CAMK2D: variants seen among roughly 807,000 people sequenced by gnomAD.
CAMK2D encodes calcium/calmodulin-dependent protein kinase type II subunit delta.
In CAMK2D, 37 loss-of-function variants were observed where a neutral mutation model predicts 84.0. That is an observed-to-expected ratio of 0.44 (90% confidence interval 0.34 to 0.58). The LOEUF is 0.58. Among genes scored for constraint, CAMK2D ranks in the 20% least tolerant of loss-of-function variants. CAMK2D has a pLI of 0.02. For synonymous variants in CAMK2D, 202 were observed against 212.5 expected (o/e 0.95, Z 0.43); for missense variants, 448 against 652.5 (o/e 0.69, Z 3.41).
At chr4:113,649,952 C>A (rs1211631098) in intron 3 of CAMK2D, among the ~76,000 whole-genome samples, 2 of 151,846 alleles carry the variant, frequency 1.3e-5, no homozygotes, top group African/African-American at 4.8e-5. Context: ...TGTGGTGGCA[C>A]GTGCCTGTAA....
chr4:113,561,351 G>A (rs1333253019), intron 4 of CAMK2D, among the ~76,000 whole-genome samples: 2 of 152,168 alleles, frequency 1.3e-5, no homozygotes, highest in Non-Finnish European at 2.9e-5. Context: ...GGGCATGCCT[G>A]TAATCTCAGC....
intron 8 of CAMK2D, among the ~76,000 whole-genome samples, chr4:113,523,348 G>A (rs150472118): frequency 9.3e-4 from 141 of 151,806 alleles, no homozygotes; most frequent in South Asian, 7.1e-3. Flanking sequence ...CACCTGGTGC[G>A]CTTGTTAAAG....
At chr4:113,463,510 G>C (rs2097418738) in intron 17 of CAMK2D, among the ~76,000 whole-genome samples, 1 of 152,118 alleles carries the variant, frequency 6.6e-6, no homozygotes, top group Non-Finnish European at 1.5e-5. Context: ...CCAAGTAGCT[G>C]GGATTACAGG....
At chr4:113,699,274 GT>G (rs1393158966) in intron 2 of CAMK2D, among the ~76,000 whole-genome samples, 3 of 152,026 alleles carry the variant, frequency 2.0e-5, no homozygotes, top group Admixed American at 2.0e-4. Context: ...TTATCTGATA[GT>G]TTTTTCTTTT....
intron 4 of CAMK2D, among the ~76,000 whole-genome samples, chr4:113,603,767 G>A (rs1306272700): frequency 1.8e-5 from 2 of 109,628 alleles, no homozygotes; most frequent in Non-Finnish European, 3.5e-5. Context: ...TATATTTCTT[G>A]CTATTTTATA....
chr4:113,733,799 C>G (rs918320862), intron 2 of CAMK2D, among the ~76,000 whole-genome samples: 1 of 152,030 alleles, frequency 6.6e-6, no homozygotes, highest in African/African-American at 2.4e-5. Flanking sequence ...CATGAGTAAA[C>G]TGTCATACAT....
chr4:113,476,749 CT>C (rs545536454), intron 16 of CAMK2D, among the ~76,000 whole-genome samples: 2 of 152,152 alleles, frequency 1.3e-5, no homozygotes, highest in African/African-American at 2.4e-5. Flanking sequence ...TCAATTACCC[CT>C]AATAGATAAC....
chr4:113,729,414 A>C lies in CAMK2D; in HGVS notation c.160+29906T>G, dbSNP rs191246847. On this transcript the variant is annotated intron_variant, in intron 2 of 20. Coordinates refer to ENST00000511664, the MANE Select transcript of CAMK2D (RefSeq NM_001321571.2). ...GCTCTTCCACCCTCACTAAGTGAACATGAACTACACTGGGCCTTTCCTTTG... is the reference window on the plus strand; with the variant it reads ...GCTCTTCCACCCTCACTAAGTGAACCTGAACTACACTGGGCCTTTCCTTTG... Among the ~76,000 whole-genome samples the C allele has an allele frequency of 3.2e-3, 486 of 152,290 alleles. 1 individual carries two copies. Among genetic ancestry groups the C allele is most frequent in the Non-Finnish European group, 5.7e-3 (385 of 68,018 alleles).
At chr4:113,474,917 G>C (rs1484709125) in intron 16 of CAMK2D, among the ~76,000 whole-genome samples, 1 of 152,178 alleles carries the variant, frequency 6.6e-6, no homozygotes, top group Non-Finnish European at 1.5e-5. Flanking sequence ...AAAGTGCTGG[G>C]ATTACAGGCG....
chr4:113,543,714 C>A (rs2098546840), intron 6 of CAMK2D, among the ~76,000 whole-genome samples: 1 of 152,096 alleles, frequency 6.6e-6, no homozygotes, highest in Non-Finnish European at 1.5e-5. Context: ...TCACAAATAT[C>A]CAACACTGAG....
At chr4:113,475,336 T>TAACA (rs1044997222) in intron 16 of CAMK2D, among the ~76,000 whole-genome samples, 5 of 21,576 alleles carry the variant, frequency 2.3e-4, no homozygotes, top group Admixed American at 5.2e-4. Context: ...TTTGAATAAC[T>TAACA]AACAAACAAA....
At chr4:113,634,965 C>T (rs1198197771) in intron 3 of CAMK2D, among the ~76,000 whole-genome samples, 2 of 152,148 alleles carry the variant, frequency 1.3e-5, no homozygotes, top group Admixed American at 1.3e-4. Flanking sequence ...AAATAGTACA[C>T]CAGCTCAACC....
At chr4:113,501,294 T>C (rs909475316) in intron 15 of CAMK2D, among the ~76,000 whole-genome samples, 7 of 152,000 alleles carry the variant, frequency 4.6e-5, no homozygotes, top group Non-Finnish European at 1.0e-4. Context: ...AGAATTAAGA[T>C]ACATTTCTTA....
At chr4:113,627,585 T>A (rs954214632) in intron 3 of CAMK2D, among the ~76,000 whole-genome samples, 11 of 152,198 alleles carry the variant, frequency 7.2e-5, no homozygotes, top group African/African-American at 2.7e-4. Context: ...ATGAAGCTTA[T>A]CTAACACACA....
intron 2 of CAMK2D, among the ~76,000 whole-genome samples, chr4:113,700,013 G>A (rs2099413312): frequency 6.6e-6 from 1 of 151,944 alleles, no homozygotes; most frequent in Non-Finnish European, 1.5e-5. Flanking sequence ...ATCTCCATCT[G>A]GTACTTTTTG....
At chr4:113,692,771 G>A (rs2099391843) in intron 2 of CAMK2D, among the ~76,000 whole-genome samples, 2 of 150,592 alleles carry the variant, frequency 1.3e-5, no homozygotes, top group African/African-American at 2.4e-5. Context: ...CATATTCAGT[G>A]TATATATCTG....
At chr4:113,501,310 G>A (rs146708652) in intron 15 of CAMK2D, among the ~76,000 whole-genome samples, 86 of 137,582 alleles carry the variant, frequency 6.3e-4, no homozygotes, top group African/African-American at 2.1e-3. Context: ...TCTTAAAATG[G>A]TGTGATAAAT....
rs146262998 is a variant in CAMK2D, at chr4:113,607,141, G to GA, written c.275+2010dup. Among the ~76,000 whole-genome samples, 1,024 of 147,944 alleles carry GA rather than the reference G, an allele frequency of 6.9e-3. 14 individuals are homozygous for GA. Among genetic ancestry groups the GA allele is most frequent in the African/African-American group, 0.023 (943 of 40,314 alleles). ...AAAAGAATGGCTAAAGAAAGCTCAAGAAAAAAAAATCATAAAAGAAGGGAC... is the reference window on the plus strand; with the variant it reads ...AAAAGAATGGCTAAAGAAAGCTCAAGAAAAAAAAAATCATAAAAGAAGGGAC... On this transcript the variant is annotated intron_variant, in intron 4 of 20. Coordinates refer to ENST00000511664, the MANE Select transcript of CAMK2D (RefSeq NM_001321571.2).
In CAMK2D at chr4:113,626,041, T is replaced by C. The variant is rs574956566; in HGVS notation, c.221-16835A>G. 4.7e-5 allele frequency among the ~76,000 whole-genome samples: 7 copies of C among 149,672 alleles called. 1 individual carries two copies. The East Asian group carries it at 7.8e-4, about 17-fold the overall frequency. On this transcript the variant is annotated intron_variant, in intron 3 of 20. Transcript: ENST00000511664. ...AAAAAAAAAAAAGTCAGGTAAAAGA[T>C]AACAGAGTTTCAAACCAGGGTGGTG...
Sources: allele counts gnomAD v4.1 joint callset (sites outside exome capture counted in the v4.1 genomes callset), GRCh38; gene constraint gnomAD v4.1.1; transcripts MANE v1.5; gene names NCBI Gene and HGNC (gene_info 2026-07-23, HGNC 2026-07-21).